Variants in SDK1 observed in about 807,000 individuals in gnomAD.
SDK1 encodes the protein protein sidekick-1.
SDK1 carries 157 observed loss-of-function variants against 245.5 expected under a neutral mutation model. The ratio of observed to expected loss-of-function variants is 0.64; its 90% confidence interval spans 0.56 to 0.73. SDK1 has a LOEUF of 0.73. Ranked by LOEUF, SDK1 falls within the 30% of genes least tolerant of loss-of-function variation. The pLI is 0.00. For missense variants in SDK1, 3,583 were observed against 3,002.3 expected (o/e 1.19, Z -4.52); for synonymous variants, 1,647 against 1,278.5 (o/e 1.29, Z -6.15).
chr7:3,786,572 C>G (rs775905396), intron 4 of SDK1, among the ~76,000 whole-genome samples: 2 of 152,180 alleles, frequency 1.3e-5, no homozygotes, highest in African/African-American at 4.8e-5. Context: ...AAGAACAGCA[C>G]TGGATGTCTT....
chr7:3,883,693 G>GCTCC (rs36146912), intron 5 of SDK1, among the ~76,000 whole-genome samples: 1,468 of 144,344 alleles, frequency 0.01, 31 homozygotes, highest in African/African-American at 0.037. Flanking sequence ...TCGCTCCCTC[G>GCTCC]CTCCCTCCCT....
In SDK1 at chr7:4,268,690, C is replaced by G; in HGVS notation, c.*3306C>G. The G allele has an allele frequency of 7.3e-7, 1 of 1,367,874 alleles. No individual in the cohort carries two copies. Among genetic ancestry groups the G allele is most frequent in the Non-Finnish European group, 9.8e-7 (1 of 1,022,002 alleles). The allele number at this position is 1,367,874 out of a possible 1,614,324, so 84.7% of individuals were successfully genotyped here. ...TCTTGGCACACAGTGTAGCTATCCT[C>G]CTGACGAGCAACCCGTCTGCGTACC... On this transcript the variant is annotated 3_prime_UTR_variant, in exon 45 of 45. Coordinates refer to ENST00000404826, the MANE Select transcript of SDK1 (RefSeq NM_152744.4).
At chr7:3,925,216 G>A (rs10230104) in intron 5 of SDK1, among the ~76,000 whole-genome samples, 57,524 of 150,340 alleles carry the variant, frequency 0.38, 12,540 homozygotes, top group African/African-American at 0.61. Context: ...GAACTCTAAG[G>A]AGACTGAACA....
chr7:3,834,845 GC>G lies in SDK1; in HGVS notation c.847+13264del, dbSNP rs545477783. 2.0e-5 allele frequency among the ~76,000 whole-genome samples: 3 copies of G among 152,242 alleles called. No homozygotes were observed. The South Asian group carries it at 6.2e-4, about 32-fold the overall frequency. ...AGTGCATGGAAGCCTGTGAAGTGAGGCCTTTTTACCCTCCCTTTCCTGGTCC... is the reference window on the plus strand; with the variant it reads ...AGTGCATGGAAGCCTGTGAAGTGAGGCTTTTTACCCTCCCTTTCCTGGTCC... On this transcript the variant is annotated intron_variant, in intron 5 of 44. Transcript: ENST00000404826.
At chr7:3,673,536 G>A (rs747743058) in intron 4 of SDK1, among the ~76,000 whole-genome samples, 3 of 152,178 alleles carry the variant, frequency 2.0e-5, no homozygotes, top group Admixed American at 6.5e-5. Flanking sequence ...CATAGGCCCC[G>A]CCGGCCTGTT....
rs563256155 is a variant in SDK1, at chr7:4,252,976, G to A, written c.6381+7171G>A. Among the ~76,000 whole-genome samples the A allele has an allele frequency of 1.6e-4, 24 of 152,126 alleles. No individual in the cohort carries two copies. The East Asian group carries it at 1.7e-3, about 11-fold the overall frequency. ...ATAATCCTTCATTTCTGTAAAGGCA[G>A]TGGTAATTAATATCAATAATTCATT... On this transcript the variant is annotated intron_variant, in intron 44 of 44. Coordinates refer to ENST00000404826, the MANE Select transcript of SDK1 (RefSeq NM_152744.4).
chr7:3,845,660 C>A (rs1780260093), intron 5 of SDK1, among the ~76,000 whole-genome samples: 1 of 151,298 alleles, frequency 6.6e-6, no homozygotes, highest in African/African-American at 2.4e-5. Context: ...CTCCCTTTAG[C>A]ATTCAGAGAG....
chr7:3,840,737 G>A (rs1441235239), intron 5 of SDK1, among the ~76,000 whole-genome samples: 2 of 152,220 alleles, frequency 1.3e-5, no homozygotes, highest in Non-Finnish European at 1.5e-5. Context: ...TACTCAGAAG[G>A]TTTATGGCAG....
chr7:4,123,362 A>G (rs1784188971), intron 25 of SDK1, among the ~76,000 whole-genome samples: 1 of 151,970 alleles, frequency 6.6e-6, no homozygotes, highest in Non-Finnish European at 1.5e-5. Flanking sequence ...CCTTTAGCTC[A>G]TAGTTGATTC....
chr7:3,544,523 G>C (rs1157235707), intron 1 of SDK1, among the ~76,000 whole-genome samples: 3 of 152,208 alleles, frequency 2.0e-5, no homozygotes, highest in Admixed American at 1.3e-4. Context: ...TGGAAAATGA[G>C]TCGTTGGCCT....
At chr7:3,497,435 T>C (rs1331935439) in intron 1 of SDK1, among the ~76,000 whole-genome samples, 1 of 152,214 alleles carries the variant, frequency 6.6e-6, no homozygotes, top group Non-Finnish European at 1.5e-5. Context: ...GCAGACATCA[T>C]TGCGTCTTTA....
intron 5 of SDK1, among the ~76,000 whole-genome samples, chr7:3,919,171 T>TACAA (rs1471081786): frequency 6.6e-6 from 1 of 152,232 alleles, no homozygotes; most frequent in East Asian, 1.9e-4. Context: ...TGCCTGATGT[T>TACAA]ACAAACTGAA....
chr7:3,814,455 C>T (rs1039894511), intron 4 of SDK1, among the ~76,000 whole-genome samples: 1 of 151,490 alleles, frequency 6.6e-6, no homozygotes, highest in Non-Finnish European at 1.5e-5. Flanking sequence ...GGGCTCTGTT[C>T]TGTTCCGTTG....
chr7:3,590,300 C>CTTTT lies in SDK1; in HGVS notation c.299-28762_299-28759dup, dbSNP rs200303832. ...TCAACTTTCACCTCCTTTCCTGTTCCTTTTTTTTTTTTTTTTTTTTTGCTT... is the reference window on the plus strand; with the variant it reads ...TCAACTTTCACCTCCTTTCCTGTTCCTTTTTTTTTTTTTTTTTTTTTTTTTGCTT... On this transcript the variant is annotated intron_variant, in intron 1 of 44. Coordinates refer to ENST00000404826, the MANE Select transcript of SDK1 (RefSeq NM_152744.4). Among the ~76,000 whole-genome samples the CTTTT allele has an allele frequency of 1.6e-3, 154 of 96,116 alleles. 1 individual carries two copies. Among genetic ancestry groups the CTTTT allele is most frequent in the African/African-American group, 2.7e-3 (70 of 25,950 alleles). The allele number at this position is 96,116 out of a possible 152,430, so 63.1% of individuals were successfully genotyped here.
chr7:3,584,468 G>T (rs1780616545), intron 1 of SDK1, among the ~76,000 whole-genome samples: 1 of 152,124 alleles, frequency 6.6e-6, no homozygotes, highest in South Asian at 2.1e-4. Flanking sequence ...TTGCTAAGCG[G>T]CCACCAAGGG....
intron 5 of SDK1, among the ~76,000 whole-genome samples, chr7:3,849,014 C>T (rs937885751): frequency 2.0e-5 from 3 of 152,194 alleles, no homozygotes; most frequent in African/African-American, 7.2e-5. Context: ...CTTCCGGACC[C>T]CCTTGAGGCC....
At chr7:3,900,061 A>C (rs1020807209) in intron 5 of SDK1, among the ~76,000 whole-genome samples, 76 of 152,254 alleles carry the variant, frequency 5.0e-4, no homozygotes, top group African/African-American at 1.7e-3. Context: ...ACAAATACGA[A>C]CATTTTAAAG....
chr7:3,715,383 T>C (rs1366459576), intron 4 of SDK1, among the ~76,000 whole-genome samples: 1 of 152,198 alleles, frequency 6.6e-6, no homozygotes, highest in Non-Finnish European at 1.5e-5. Flanking sequence ...ACGTAGGTTC[T>C]TCCCTCCTCA....
rs371752877 is a variant in SDK1 at position 4,205,779 on chromosome 7, C to T, written c.5099-100C>T. 5.1e-5 allele frequency: 48 copies of T among 943,128 alleles called. 1 individual carries two copies. Among genetic ancestry groups the T allele is most frequent in the South Asian group, 8.7e-5 (6 of 68,640 alleles). 58.4% of individuals were successfully genotyped at this position (943,128 alleles called of 1,614,324 possible). ...GAAGAATCTCTCACATGGTTCCCAG[C>T]GGAATTAGGGCATGCTCGAGCCCCA... On this transcript the variant is annotated intron_variant, in intron 35 of 44. Transcript: ENST00000404826.
Sources: allele counts gnomAD v4.1 joint callset (sites outside exome capture counted in the v4.1 genomes callset), GRCh38; gene constraint gnomAD v4.1.1; transcripts MANE v1.5; gene names NCBI Gene and HGNC (gene_info 2026-07-23, HGNC 2026-07-21).